Variants in COQ6 observed in about 807,000 individuals in gnomAD.
COQ6 encodes the protein ubiquinone biosynthesis monooxygenase COQ6, mitochondrial.
Under a neutral mutation model 55.5 loss-of-function variants are expected in COQ6, and 45 were observed. The observed-to-expected ratio is 0.81, with a 90% CI of 0.64 to 1.04. COQ6 has a LOEUF of 1.04. Among genes scored for constraint, COQ6 ranks in the 50% least tolerant of loss-of-function variants. The probability of loss-of-function intolerance (pLI) is 0.00; values close to 1 mark genes in which losing one functional copy is unlikely to be tolerated. For synonymous variants in COQ6, 206 were observed against 230.5 expected (o/e 0.89, Z 0.96); for missense variants, 550 against 601.3 (o/e 0.91, Z 0.89).
rs1204358656 is a variant in COQ6 at position 73,950,311 on chromosome 14, T to G, written c.-22T>G. The G allele has an allele frequency of 3.2e-6, 5 of 1,545,006 alleles. No homozygotes were observed. Among genetic ancestry groups the G allele is most frequent in the Admixed American group, 1.9e-5 (1 of 51,350 alleles). On this transcript the variant is annotated 5_prime_UTR_variant, in exon 1 of 12. Coordinates refer to ENST00000334571, the MANE Select transcript of COQ6 (RefSeq NM_182476.3). The stretch of plus-strand genomic sequence containing the variant: ...TAGGTGGGCCTGCGGGAGTTCTGAG[T>G]GCGACGGCGCAGGTCTGCACCATGG...
intron 8 of COQ6, chr14:73,959,959 G>T: frequency 9.0e-7 from 1 of 1,107,256 alleles, no homozygotes; most frequent in South Asian, 2.5e-5. Flanking sequence ...AGATTATGTG[G>T]AGGAGTGTAC....
Position 73,950,316 on chromosome 14 carries a change from C to A in COQ6, c.-17C>A. 2 of 1,546,292 alleles carry A rather than the reference C, an allele frequency of 1.3e-6. No homozygotes were observed. Among genetic ancestry groups the A allele is most frequent in the Non-Finnish European group, 1.7e-6 (2 of 1,149,180 alleles). On this transcript the variant is annotated 5_prime_UTR_variant, in exon 1 of 12. Coordinates refer to ENST00000334571, the MANE Select transcript of COQ6 (RefSeq NM_182476.3). ...GGGCCTGCGGGAGTTCTGAGTGCGACGGCGCAGGTCTGCACCATGGCGGCC... is the reference window on the plus strand; with the variant it reads ...GGGCCTGCGGGAGTTCTGAGTGCGAAGGCGCAGGTCTGCACCATGGCGGCC...
chr14:73,958,510 C>T (rs2056551663), intron 5 of COQ6: 1 of 1,358,554 alleles, frequency 7.4e-7, no homozygotes, highest in East Asian at 3.3e-5. Context: ...AGCTGGGCCT[C>T]ACAGGACAGG....
chr14:73,961,200 A>T lies in COQ6; in HGVS notation c.919A>T (p.Ile307Phe). 6.2e-7 allele frequency: 1 copy of T among 1,613,944 alleles called. No individual in the cohort carries two copies. Among genetic ancestry groups the T allele is most frequent in the Non-Finnish European group, 8.5e-7 (1 of 1,179,956 alleles). ...GAGTGATGCTGACCACACGGACTTC[A>T]TCGACACAGCTGGTGCCATGCTGCA... ...FWSDADHTDF[I>F]DTAGAMLQYA... Residue 307 changes from isoleucine (I) to phenylalanine (F), a missense_variant, in exon 9 of 12, where the codon ATC becomes TTC. Coordinates refer to ENST00000334571, the MANE Select transcript of COQ6 (RefSeq NM_182476.3).
At chr14:73,962,904 T>C in intron 11 of COQ6, 66 bp from the exon 12 acceptor site, 1 of 1,317,538 alleles carries the variant, frequency 7.6e-7, no homozygotes, top group Admixed American at 1.7e-5. Context: ...GTGATTATTA[T>C]CTACAATAAT....
intron 2 of COQ6, among the ~76,000 whole-genome samples, chr14:73,954,983 GCT>G (rs1371902752): frequency 8.1e-6 from 1 of 123,710 alleles, no homozygotes; most frequent in Non-Finnish European, 1.6e-5. Flanking sequence ...ACGGAGTCTC[GCT>G]CTGTTGCCCA....
chr14:73,959,155 G>A lies in COQ6; in HGVS notation c.721-7G>A, dbSNP rs2056584913. 6.2e-7 allele frequency: 1 copy of A among 1,614,150 alleles called. No homozygotes were observed. Among genetic ancestry groups the A allele is most frequent in the Non-Finnish European group, 8.5e-7 (1 of 1,180,022 alleles). Reference sequence around the variant, plus strand: ...TCACAGAGAAACTTTTCTCCTCTCTGTTGCAGGCCACAGAAAACAACGTAG... The same window carrying A: ...TCACAGAGAAACTTTTCTCCTCTCTATTGCAGGCCACAGAAAACAACGTAG... On this transcript the variant is annotated splice_region_variant and splice_polypyrimidine_tract_variant and intron_variant, in intron 6 of 11. Transcript: ENST00000334571.
intron 11 of COQ6, 116 bp from the exon 12 acceptor site, chr14:73,962,854 T>A (rs941849366): frequency 9.0e-5 from 81 of 895,708 alleles, no homozygotes; most frequent in Non-Finnish European, 1.4e-4. Context: ...TTTCTTTTTT[T>A]AGCTGAAATA....
Position 73,950,306 on chromosome 14 carries a change from C to T in COQ6, c.-27C>T. On this transcript the variant is annotated 5_prime_UTR_variant, in exon 1 of 12. Coordinates refer to ENST00000334571, the MANE Select transcript of COQ6 (RefSeq NM_182476.3). ...CTACGTAGGTGGGCCTGCGGGAGTTCTGAGTGCGACGGCGCAGGTCTGCAC... is the reference window on the plus strand; with the variant it reads ...CTACGTAGGTGGGCCTGCGGGAGTTTTGAGTGCGACGGCGCAGGTCTGCAC... 1 of 1,544,166 alleles carries T rather than the reference C, an allele frequency of 6.5e-7. No individual in the cohort carries two copies. The highest frequency in any genetic ancestry group is 8.7e-7 in the Non-Finnish European group (1 of 1,148,424).
In COQ6 at chr14:73,961,200, A is replaced by G. The variant is rs1173142007; in HGVS notation, c.919A>G (p.Ile307Val). The change falls in exon 9 of 12, where the codon ATC becomes GTC. Residue 307 changes from isoleucine (I) to valine (V), a missense_variant. Coordinates refer to ENST00000334571, the MANE Select transcript of COQ6 (RefSeq NM_182476.3). ...GAGTGATGCTGACCACACGGACTTCATCGACACAGCTGGTGCCATGCTGCA... is the reference window on the plus strand; with the variant it reads ...GAGTGATGCTGACCACACGGACTTCGTCGACACAGCTGGTGCCATGCTGCA... ...FWSDADHTDF[I>V]DTAGAMLQYA... 3 of 1,613,944 alleles carry G rather than the reference A, an allele frequency of 1.9e-6. No individual in the cohort carries two copies. The highest frequency in any genetic ancestry group is 1.1e-5 in the South Asian group (1 of 91,010).
rs1310517729 is a variant in COQ6, at chr14:73,961,465, C to T, written c.1105C>T (p.His369Tyr). The change falls in exon 10 of 12, where the codon CAC (histidine) becomes TAC (tyrosine). Residue 369 changes from histidine (H) to tyrosine (Y), a missense_variant. By Grantham distance (83) the His-to-Tyr change is moderately conservative. Transcript: ENST00000334571. ...PRVALIGDAA[H>Y]RVHPLAGQGV... The stretch of plus-strand genomic sequence containing the variant: ...CTGCTTTATTCTTAGGGATGCAGCC[C>T]ACAGAGTCCATCCGCTTGCAGGACA... 8 of 1,614,044 alleles carry T rather than the reference C, an allele frequency of 5.0e-6. No homozygotes were observed. Among genetic ancestry groups the T allele is most frequent in the Non-Finnish European group, 6.8e-6 (8 of 1,180,044 alleles).
chr14:73,962,837 G>A (rs912914127), intron 11 of COQ6, 133 bp from the exon 12 acceptor site: 5 of 731,924 alleles, frequency 6.8e-6, no homozygotes, highest in South Asian at 1.6e-5. Flanking sequence ...GTATATGTAT[G>A]TATATTTTTC....
chr14:73,953,596 T>G, intron 2 of COQ6, 27 bp downstream of exon 2: 1 of 1,613,990 alleles, frequency 6.2e-7, no homozygotes, highest in South Asian at 1.1e-5. Flanking sequence ...CCTTCAAAGA[T>G]CCAATCTCCT....
intron 3 of COQ6, 63 bp downstream of exon 3, chr14:73,955,572 A>G (rs1866815057): frequency 6.6e-7 from 1 of 1,506,730 alleles, no homozygotes; most frequent in East Asian, 2.3e-5. Flanking sequence ...ATCGGAGTCC[A>G]CTTTCTCCAA....
intron 5 of COQ6, 133 bp downstream of exon 5, chr14:73,958,410 A>G (rs553166702): frequency 4.7e-5 from 72 of 1,527,882 alleles, no homozygotes; most frequent in Non-Finnish European, 6.1e-5. Flanking sequence ...ACCAGTACCT[A>G]TTCAGGCCAG....
chr14:73,958,195 C>G lies in COQ6; in HGVS notation c.530C>G (p.Pro177Arg). The part of the protein sequence containing the change: ...YRSKAIRYTW[P>R]CPFPMADSSP... ...AGCAAAGCCATTCGCTATACCTGGC[C>G]TTGTCCATTTCCTATGGCCGACTCC... The change falls in exon 5 of 12, where the codon CCT (proline) becomes CGT (arginine). Residue 177 changes from proline (P) to arginine (R), a missense_variant. Coordinates refer to ENST00000334571, the MANE Select transcript of COQ6 (RefSeq NM_182476.3). 2 of 1,614,114 alleles carry G rather than the reference C, an allele frequency of 1.2e-6. No homozygotes were observed. The highest frequency in any genetic ancestry group is 4.5e-5 in the East Asian group (2 of 44,880).
At chr14:73,955,235 G>C (rs576162360) in intron 2 of COQ6, 3 of 598,086 alleles carry the variant, frequency 5.0e-6, no homozygotes, top group Non-Finnish European at 9.0e-6. Flanking sequence ...TTACAGGCAT[G>C]AGCCACCGCG....
At chr14:73,956,129 C>T in intron 4 of COQ6, 1 of 570,820 alleles carries the variant, frequency 1.8e-6, no homozygotes, top group South Asian at 1.7e-5. Context: ...TGGAGACCAT[C>T]CTGGCTAACA....
chr14:73,958,802 G>T (rs1384413329), intron 5 of COQ6, 169 bp from the exon 6 acceptor site: 8 of 1,516,242 alleles, frequency 5.3e-6, no homozygotes, highest in Non-Finnish European at 7.1e-6. Flanking sequence ...TGAGGCTGAT[G>T]TGACAGTGCA....
Sources: allele counts gnomAD v4.1 joint callset (sites outside exome capture counted in the v4.1 genomes callset), GRCh38; gene constraint gnomAD v4.1.1; transcripts MANE v1.5; gene names NCBI Gene and HGNC (gene_info 2026-07-23, HGNC 2026-07-21).